SLC35F4: variants seen among roughly 807,000 people sequenced by gnomAD.
The protein encoded by SLC35F4 is chromosome 14 open reading frame 36.
SLC35F4 carries 24 observed loss-of-function variants against 44.2 expected under a neutral mutation model. The ratio of observed to expected loss-of-function variants is 0.54; its 90% CI spans 0.39 to 0.76. The LOEUF is 0.76. Ranked by LOEUF, SLC35F4 falls within the 30% of genes least tolerant of loss-of-function variation. The probability of loss-of-function intolerance (pLI) is 0.00; values close to 1 mark genes in which losing one functional copy is unlikely to be tolerated. For synonymous variants in SLC35F4, 238 were observed against 223.6 expected, an observed-to-expected ratio of 1.06 and a Z score of -0.57; for missense variants, 562 against 586.1, an observed-to-expected ratio of 0.96 and a Z score of 0.42.
intron 1 of SLC35F4, among the ~76,000 whole-genome samples, chr14:57,711,898 G>A (rs1323591257): frequency 6.6e-6 from 1 of 152,212 alleles, no homozygotes; most frequent in African/African-American, 2.4e-5. Context: ...TGAGAGTTTA[G>A]AAACTGGTTC....
chr14:57,606,510 GC>G (rs1219909507), intron 1 of SLC35F4, among the ~76,000 whole-genome samples: 1 of 152,132 alleles, frequency 6.6e-6, no homozygotes, highest in Non-Finnish European at 1.5e-5. Context: ...CTTTTATTAA[GC>G]TTTCACAGTG....
intron 1 of SLC35F4, among the ~76,000 whole-genome samples, chr14:57,670,450 CT>C (rs1395172289): frequency 2.0e-5 from 3 of 151,978 alleles, no homozygotes; most frequent in African/African-American, 4.8e-5. Context: ...ATCTTTCCTG[CT>C]TTCTCTTGTG....
At chr14:57,686,208 A>G (rs1038305219) in intron 1 of SLC35F4, among the ~76,000 whole-genome samples, 1 of 152,212 alleles carries the variant, frequency 6.6e-6, no homozygotes, top group Non-Finnish European at 1.5e-5. Context: ...TTCAATAAAA[A>G]TCTATTAAGA....
chr14:57,587,721 T>A (rs921240448), intron 3 of SLC35F4, among the ~76,000 whole-genome samples: 5 of 152,098 alleles, frequency 3.3e-5, no homozygotes. Context: ...TGTATACCCA[T>A]GTAACAAAGC....
At chr14:57,972,552 A>G (rs1325943593), downstream of SLC35F4, among the ~76,000 whole-genome samples, 1 of 152,220 alleles carries the variant, frequency 6.6e-6, no homozygotes, top group Non-Finnish European at 1.5e-5. Context: ...TGGAAAAAAA[A>G]AAAACCTTAA....
At chr14:57,576,920 G>C (rs2068828203) in intron 4 of SLC35F4, among the ~76,000 whole-genome samples, 1 of 152,126 alleles carries the variant, frequency 6.6e-6, no homozygotes, top group African/African-American at 2.4e-5. Flanking sequence ...ATTCCTTGAG[G>C]GTGTAAAATC....
chr14:57,798,216 C>A (rs937204074), intron 1 of SLC35F4, among the ~76,000 whole-genome samples: 4 of 149,804 alleles, frequency 2.7e-5, no homozygotes, highest in African/African-American at 9.8e-5. Context: ...GACAAATACA[C>A]TCTACATGGA....
At chr14:57,922,961 T>G (rs1889470688) in intron 1 of SLC35F4, among the ~76,000 whole-genome samples, 1 of 152,206 alleles carries the variant, frequency 6.6e-6, no homozygotes, top group African/African-American at 2.4e-5. Context: ...ATGGGAAAAT[T>G]TGCGTTTGAG....
chr14:57,741,340 G>GA (rs1283350025), intron 1 of SLC35F4, among the ~76,000 whole-genome samples: 4 of 152,004 alleles, frequency 2.6e-5, no homozygotes, highest in African/African-American at 4.8e-5. Context: ...TAAAAACCTT[G>GA]AAAAAAGATT....
At chr14:57,735,174 T>A (rs974911361) in intron 1 of SLC35F4, among the ~76,000 whole-genome samples, 1 of 151,842 alleles carries the variant, frequency 6.6e-6, no homozygotes, top group Non-Finnish European at 1.5e-5. Context: ...AGTTGCAGAC[T>A]TTTTTTTCTT....
intron 1 of SLC35F4, among the ~76,000 whole-genome samples, chr14:57,737,648 A>T (rs996756847): frequency 6.6e-5 from 10 of 152,238 alleles, no homozygotes; most frequent in Admixed American, 1.3e-4. Context: ...TCAGATTCTG[A>T]CATATCCTCT....
intron 1 of SLC35F4, among the ~76,000 whole-genome samples, chr14:57,883,403 AGCTC>A (rs1888581981): frequency 6.6e-6 from 1 of 152,178 alleles, no homozygotes; most frequent in South Asian, 2.1e-4. Context: ...CTCACTCAAA[AGCTC>A]CATCACGCAA....
At position 57,621,646 on chromosome 14, in the gene SLC35F4, T is replaced by C. The variant is rs372255084; in HGVS notation, c.104-27522A>G. ...AAGCTGAAACTGGATCCCTTCCTTA[T>C]ACCTTATACAAAAATTAATTCAAGA... On this transcript the variant is annotated intron_variant, in intron 1 of 7. Coordinates refer to ENST00000556826, the MANE Select transcript of SLC35F4 (RefSeq NM_001306087.2). Among the ~76,000 whole-genome samples the C allele has an allele frequency of 3.9e-5, 6 of 152,260 alleles. No individual in the cohort carries two copies. The East Asian group carries it at 9.6e-4, about 24-fold the overall frequency.
chr14:57,609,538 C>T (rs1052110483), intron 1 of SLC35F4, among the ~76,000 whole-genome samples: 1 of 152,210 alleles, frequency 6.6e-6, no homozygotes, highest in Admixed American at 6.5e-5. Flanking sequence ...GTACCATATT[C>T]ACCCATGTGA....
intron 1 of SLC35F4, among the ~76,000 whole-genome samples, chr14:57,922,721 G>C (rs1015859277): frequency 6.6e-6 from 1 of 151,974 alleles, no homozygotes; most frequent in African/African-American, 2.4e-5. Context: ...ATTTAGGCCT[G>C]GGCAACCGAG....
At position 57,620,185 on chromosome 14, in the gene SLC35F4, C is replaced by T. The variant is rs138329878; in HGVS notation, c.104-26061G>A. ...GGCCAACATTCCAATTCAGGAAATA[C>T]AGAGAACACCATAAAGATACTCCTT... On this transcript the variant is annotated intron_variant, in intron 1 of 7. Transcript: ENST00000556826. Among the ~76,000 whole-genome samples, 223 of 152,210 alleles carry T rather than the reference C, an allele frequency of 1.5e-3. 2 individuals carry two copies. The highest frequency in any genetic ancestry group is 4.8e-3 in the African/African-American group (198 of 41,512).
chr14:57,618,759 C>A (rs886754224), intron 1 of SLC35F4, among the ~76,000 whole-genome samples: 1 of 152,202 alleles, frequency 6.6e-6, no homozygotes, highest in African/African-American at 2.4e-5. Context: ...AGGTCCCACC[C>A]GCACAGAACC....
At chr14:57,634,629 G>A (rs948695147) in intron 1 of SLC35F4, among the ~76,000 whole-genome samples, 1 of 152,060 alleles carries the variant, frequency 6.6e-6, no homozygotes, top group African/African-American at 2.4e-5. Context: ...GGCAGGCAGG[G>A]GCCAGATACT....
intron 1 of SLC35F4, among the ~76,000 whole-genome samples, chr14:57,928,565 C>G (rs918443637): frequency 1.3e-5 from 2 of 152,202 alleles, no homozygotes; most frequent in African/African-American, 4.8e-5. Context: ...GCCCTCCCTT[C>G]CCCTGGCAGT....
Sources: gnomAD v4.1 joint callset for allele counts (sites outside exome capture counted in the v4.1 genomes callset) on GRCh38, gnomAD v4.1.1 for gene constraint, MANE v1.5 for transcripts, NCBI Gene and HGNC (gene_info 2026-07-23, HGNC 2026-07-21) for gene names.